ARHGAP22: variants seen among roughly 807,000 people sequenced by gnomAD.
ARHGAP22 encodes the protein Rho GTPase activating protein 22.
Under a neutral mutation model 59.1 loss-of-function variants are expected in ARHGAP22, and 48 were observed. The observed-to-expected ratio is 0.81, with a 90% CI of 0.64 to 1.03. The LOEUF is 1.03. Among genes scored for constraint, ARHGAP22 ranks in the 50% least tolerant of loss-of-function variants. The probability of loss-of-function intolerance (pLI) is 0.00; values close to 1 mark genes in which losing one functional copy is unlikely to be tolerated. For missense variants in ARHGAP22, 1,015 were observed against 958.7 expected, an observed-to-expected ratio of 1.06 and a Z score of -0.78; for synonymous variants, 445 against 416.4, an observed-to-expected ratio of 1.07 and a Z score of -0.84.
intron 2 of ARHGAP22, among the ~76,000 whole-genome samples, chr10:48,571,553 C>T (rs577666904): frequency 6.6e-6 from 1 of 152,320 alleles, no homozygotes; most frequent in African/African-American, 2.4e-5. Flanking sequence ...TTAAGAAAGT[C>T]ACCTAATCTC....
At chr10:48,504,260 G>A (rs1399129566) in intron 3 of ARHGAP22, among the ~76,000 whole-genome samples, 1 of 152,232 alleles carries the variant, frequency 6.6e-6, no homozygotes, top group Non-Finnish European at 1.5e-5. Flanking sequence ...TCTCCAGAGG[G>A]CTGGACCCAT....
At chr10:48,442,188 G>A (rs147868153), downstream of ARHGAP22, among the ~76,000 whole-genome samples, 7 of 152,290 alleles carry the variant, frequency 4.6e-5, no homozygotes, top group African/African-American at 1.7e-4. Flanking sequence ...GCCCTCACTG[G>A]CTGCCTCACT....
At chr10:48,560,359 A>T (rs1199326572) in intron 2 of ARHGAP22, among the ~76,000 whole-genome samples, 3 of 152,074 alleles carry the variant, frequency 2.0e-5, no homozygotes, top group Admixed American at 2.0e-4. Flanking sequence ...TAGAGCTTTC[A>T]TTTTCCCCAA....
At chr10:48,448,375 G>A (rs918345634) in intron 9 of ARHGAP22, among the ~76,000 whole-genome samples, 1 of 152,200 alleles carries the variant, frequency 6.6e-6, no homozygotes, top group South Asian at 2.1e-4. Flanking sequence ...TTTTAAAAAT[G>A]TATCGTGCTT....
chr10:48,603,733 C>T (rs2060519905), intron 1 of ARHGAP22, among the ~76,000 whole-genome samples: 1 of 152,240 alleles, frequency 6.6e-6, no homozygotes, highest in South Asian at 2.1e-4. Flanking sequence ...TGCGAAAGCA[C>T]CCCACAGAGG....
intron 2 of ARHGAP22, chr10:48,574,738 G>C (rs563146600): frequency 6.6e-6 from 1 of 152,406 alleles, no homozygotes; most frequent in East Asian, 1.9e-4. Context: ...ACGGCAGGGG[G>C]TTGTCCTAGC....
chr10:48,651,215 G>C (rs538640438), intron 1 of ARHGAP22, among the ~76,000 whole-genome samples: 1 of 152,244 alleles, frequency 6.6e-6, no homozygotes, highest in Non-Finnish European at 1.5e-5. Context: ...TTAATGTGGA[G>C]GTTGAGGTCC....
chr10:48,619,117 C>T (rs2061195034), intron 1 of ARHGAP22, among the ~76,000 whole-genome samples: 1 of 151,914 alleles, frequency 6.6e-6, no homozygotes, highest in South Asian at 2.1e-4. Context: ...CAAAAAAATA[C>T]CCAGGAATAA....
At chr10:48,447,723 T>C (rs780893161) in intron 9 of ARHGAP22, among the ~76,000 whole-genome samples, 2 of 152,094 alleles carry the variant, frequency 1.3e-5, no homozygotes, top group Non-Finnish European at 2.9e-5. Context: ...CACCATTTCA[T>C]CAGCATCTCT....
intron 3 of ARHGAP22, among the ~76,000 whole-genome samples, chr10:48,495,873 T>G (rs1188627272): frequency 1.3e-5 from 2 of 152,046 alleles, no homozygotes; most frequent in Non-Finnish European, 2.9e-5. Context: ...GCCCACGTGG[T>G]GAGAAACTGA....
At chr10:48,546,632 A>C (rs2056461167) in intron 3 of ARHGAP22, 1 of 170,830 alleles carries the variant, frequency 5.9e-6, no homozygotes, top group African/African-American at 2.4e-5. Flanking sequence ...TCATGTGTAC[A>C]TTTCTGGTGG....
chr10:48,459,628 G>A, intron 5 of ARHGAP22, 56 bp downstream of exon 5: 1 of 1,589,724 alleles, frequency 6.3e-7, no homozygotes, highest in African/African-American at 1.3e-5. Flanking sequence ...CTGGGCAGGA[G>A]CCCCTGCAGG....
chr10:48,493,237 A>C (rs770768638), intron 3 of ARHGAP22, among the ~76,000 whole-genome samples: 1 of 152,216 alleles, frequency 6.6e-6, no homozygotes, highest in Non-Finnish European at 1.5e-5. Flanking sequence ...GTTCCTGCAC[A>C]GGATCCCTAG....
At chr10:48,497,783 C>T (rs1345865684) in intron 3 of ARHGAP22, among the ~76,000 whole-genome samples, 1 of 152,168 alleles carries the variant, frequency 6.6e-6, no homozygotes, top group Non-Finnish European at 1.5e-5. Context: ...CTGCAAGGCC[C>T]AGGGGCTCAA....
intron 3 of ARHGAP22, among the ~76,000 whole-genome samples, chr10:48,549,993 T>C (rs1463416357): frequency 6.6e-6 from 1 of 152,202 alleles, no homozygotes; most frequent in Admixed American, 6.5e-5. Context: ...TAACCTCCTG[T>C]TGCTTCCAAT....
At chr10:48,650,146 C>T (rs1340849811) in intron 1 of ARHGAP22, among the ~76,000 whole-genome samples, 27 of 82,066 alleles carry the variant, frequency 3.3e-4, no homozygotes, top group South Asian at 1.8e-3. Context: ...GCTGGAGACT[C>T]TTTTTTTTTT....
chr10:48,538,430 C>T (rs2055584676), intron 3 of ARHGAP22, among the ~76,000 whole-genome samples: 1 of 152,190 alleles, frequency 6.6e-6, no homozygotes, highest in South Asian at 2.1e-4. Flanking sequence ...TAACCTTGGC[C>T]TCCCAAACTC....
At chr10:48,529,902 C>T (rs183832177) in intron 3 of ARHGAP22, among the ~76,000 whole-genome samples, 1 of 152,106 alleles carries the variant, frequency 6.6e-6, no homozygotes, top group Non-Finnish European at 1.5e-5. Context: ...GTAAGCCACA[C>T]ATAGAAGAAT....
intron 3 of ARHGAP22, among the ~76,000 whole-genome samples, chr10:48,497,593 T>G (rs9663790): frequency 0.39 from 59,525 of 151,926 alleles, 13,583 homozygotes; most frequent in East Asian, 0.66. Flanking sequence ...AGCTGAGCAG[T>G]CTGGGGAGGA....
Sources: allele counts gnomAD v4.1 joint callset (sites outside exome capture counted in the v4.1 genomes callset), GRCh38; gene constraint gnomAD v4.1.1; transcripts MANE v1.5; gene names NCBI Gene and HGNC (gene_info 2026-07-23, HGNC 2026-07-21).